Variants in FBN1 observed in about 807,000 individuals in gnomAD.
FBN1 encodes fibrillin-1.
A neutral mutation model predicts 365.1 loss-of-function variants in FBN1; 29 were observed. That is an observed-to-expected ratio of 0.08 (90% CI 0.06 to 0.11). The LOEUF (loss-of-function observed/expected upper bound fraction) is 0.11. FBN1 is among the 10% of genes least tolerant of loss of function. FBN1 has a pLI of 1.00. For synonymous variants in FBN1, 1,210 were observed against 1,270.5 expected (o/e 0.95, Z 1.01); for missense variants, 2,476 against 3,703.2 (o/e 0.67, Z 8.60).
chr15:48,589,709 G>A (rs1051598730), intron 6 of FBN1, among the ~76,000 whole-genome samples: 3 of 148,870 alleles, frequency 2.0e-5, no homozygotes, highest in Non-Finnish European at 4.4e-5. Flanking sequence ...CACCTCCTGG[G>A]TTCACGCCAT....
At chr15:48,519,702 A>G (rs865945990) in intron 10 of FBN1, among the ~76,000 whole-genome samples, 2 of 152,252 alleles carry the variant, frequency 1.3e-5, no homozygotes, top group African/African-American at 4.8e-5. Flanking sequence ...TAGAAAAAAA[A>G]GCCAACTTGA....
At chr15:48,506,024 A>G (rs998163703) in intron 15 of FBN1, among the ~76,000 whole-genome samples, 21 of 152,166 alleles carry the variant, frequency 1.4e-4, no homozygotes, top group Non-Finnish European at 2.9e-5. Context: ...GGAGTTCAAG[A>G]TCAGCCTGGC....
chr15:48,435,467 A>C (rs1395997343), intron 53 of FBN1, among the ~76,000 whole-genome samples: 1 of 152,176 alleles, frequency 6.6e-6, no homozygotes, highest in African/African-American at 2.4e-5. Flanking sequence ...ATAAAAGACT[A>C]AACTTACGTA....
intron 62 of FBN1, 131 bp downstream of exon 62, chr15:48,421,427 T>C (rs2042940251): frequency 9.3e-7 from 1 of 1,077,944 alleles, no homozygotes. Flanking sequence ...CTGTGCACAC[T>C]ATTTTAGCTG....
intron 16 of FBN1, among the ~76,000 whole-genome samples, chr15:48,504,267 A>G (rs1194668195): frequency 1.3e-5 from 2 of 152,204 alleles, no homozygotes; most frequent in East Asian, 3.8e-4. Flanking sequence ...GGCACTTAAT[A>G]AATGTTGAAT....
chr15:48,485,300 C>G (rs781000620), intron 30 of FBN1, 74 bp downstream of exon 30: 23 of 1,609,554 alleles, frequency 1.4e-5, no homozygotes, highest in Non-Finnish European at 2.0e-5. Flanking sequence ...CTGCTTGACT[C>G]CAAAGCCTGG....
intron 53 of FBN1, among the ~76,000 whole-genome samples, chr15:48,436,516 G>T (rs2043073010): frequency 6.6e-6 from 1 of 151,970 alleles, no homozygotes; most frequent in Non-Finnish European, 1.5e-5. Flanking sequence ...TTTAAAAACA[G>T]GGTTACAAAA....
At chr15:48,480,469 C>T (rs2043457738) in intron 32 of FBN1, among the ~76,000 whole-genome samples, 1 of 152,146 alleles carries the variant, frequency 6.6e-6, no homozygotes, top group Non-Finnish European at 1.5e-5. Context: ...TCAGAATGGA[C>T]CCCTAGACAG....
intron 5 of FBN1, among the ~76,000 whole-genome samples, chr15:48,599,057 G>A (rs2044538594): frequency 6.6e-6 from 1 of 152,196 alleles, no homozygotes; most frequent in African/African-American, 2.4e-5. Context: ...CCCCAGCCAT[G>A]TGGAACTGTA....
At chr15:48,508,454 G>C (rs1022966832) in intron 15 of FBN1, 128 bp downstream of exon 15, 2 of 1,193,148 alleles carry the variant, frequency 1.7e-6, no homozygotes, top group South Asian at 1.3e-5. Flanking sequence ...GTTTCAGTCA[G>C]GTTTCCCAAA....
intron 56 of FBN1, 109 bp downstream of exon 56, chr15:48,430,562 C>A: frequency 7.6e-7 from 1 of 1,315,332 alleles, no homozygotes; most frequent in Non-Finnish European, 1.1e-6. Flanking sequence ...GTTAAGAGAA[C>A]AAAATGGGTC....
At chr15:48,596,556 G>T (rs1427202251) in intron 5 of FBN1, among the ~76,000 whole-genome samples, 178 bp from the exon 6 acceptor site, 2 of 152,348 alleles carry the variant, frequency 1.3e-5, no homozygotes, top group Admixed American at 6.5e-5. Flanking sequence ...CTTAGGTAAA[G>T]CTGCCTGGAA....
At chr15:48,474,207 T>G (rs775565528) in intron 34 of FBN1, 48 bp downstream of exon 34, 13 of 1,613,358 alleles carry the variant, frequency 8.1e-6, no homozygotes, top group Admixed American at 1.7e-5. Context: ...GTGGAATGCC[T>G]GGCTTCTCTG....
At chr15:48,559,716 C>T (rs1301770792) in intron 6 of FBN1, among the ~76,000 whole-genome samples, 3 of 152,002 alleles carry the variant, frequency 2.0e-5, no homozygotes, top group Non-Finnish European at 4.4e-5. Flanking sequence ...ACTCTGGCAT[C>T]GGAAAAGAGG....
At position 48,462,960 on chromosome 15, in the gene FBN1, G is replaced by GT. The variant is rs899548227; in HGVS notation, c.5224+121dup. ...CAACTGTGAATTTAAATCATGAGCC[G>GT]TTTTTTTCCCTGTAAAGATAAACAA... is the stretch of plus-strand genomic sequence containing the variant. On this transcript the variant is annotated intron_variant, in intron 42 of 65. Coordinates refer to ENST00000316623, the MANE Select transcript of FBN1 (RefSeq NM_000138.5). The GT allele has an allele frequency of 9.2e-5, 92 of 995,498 alleles. No homozygotes were observed. In the African/African-American group the frequency reaches 9.9e-4, roughly 11 times the overall value. The allele number at this position is 995,498 out of a possible 1,614,324, so 61.7% of individuals were successfully genotyped here.
rs1384307516 is a variant in FBN1 at position 48,485,506 on chromosome 15, A to G, written c.3590-10T>C. ...CTGCATTCATCAATGTCTAAAAGAAATGAAAATAATATCACCTTCTGATAT... is the reference window on the plus strand; with the variant it reads ...CTGCATTCATCAATGTCTAAAAGAAGTGAAAATAATATCACCTTCTGATAT... On this transcript the variant is annotated splice_polypyrimidine_tract_variant and intron_variant, in intron 29 of 65. Coordinates refer to ENST00000316623, the MANE Select transcript of FBN1 (RefSeq NM_000138.5). 1.9e-6 allele frequency: 3 copies of G among 1,614,114 alleles called. No individual in the cohort carries two copies. The highest frequency in any genetic ancestry group is 2.2e-5 in the East Asian group (1 of 44,892).
chr15:48,456,260 T>C (rs1339984119), intron 44 of FBN1, among the ~76,000 whole-genome samples: 2 of 152,356 alleles, frequency 1.3e-5, no homozygotes, highest in East Asian at 3.9e-4. Context: ...AAAGTCTCTG[T>C]CTGGAAGAGA....
chr15:48,638,206 G>C (rs1184705148), intron 2 of FBN1, among the ~76,000 whole-genome samples: 3 of 151,536 alleles, frequency 2.0e-5, no homozygotes, highest in African/African-American at 7.3e-5. Flanking sequence ...AGCCCTAATA[G>C]ACTTTCACTG....
At chr15:48,581,509 C>A (rs2044392010) in intron 6 of FBN1, among the ~76,000 whole-genome samples, 1 of 152,170 alleles carries the variant, frequency 6.6e-6, no homozygotes, top group Non-Finnish European at 1.5e-5. Flanking sequence ...TCTTCTGATT[C>A]TATGCACAGC....
Sources: gnomAD v4.1 joint callset for allele counts (sites outside exome capture counted in the v4.1 genomes callset) on GRCh38, gnomAD v4.1.1 for gene constraint, MANE v1.5 for transcripts, NCBI Gene and HGNC (gene_info 2026-07-23, HGNC 2026-07-21) for gene names.